SEMA3A: variants seen among roughly 807,000 people sequenced by gnomAD.
The protein encoded by SEMA3A is semaphorin-3A.
Under a neutral mutation model 97.9 loss-of-function variants are expected in SEMA3A, and 29 were observed. The observed-to-expected ratio is 0.30, with a 90% confidence interval of 0.22 to 0.40. SEMA3A has a LOEUF of 0.40. Ranked by LOEUF, SEMA3A falls within the 10% of genes least tolerant of loss-of-function variation. The probability of loss-of-function intolerance (pLI) is 1.00; values close to 1 mark genes in which losing one functional copy is unlikely to be tolerated. For synonymous variants in SEMA3A, 321 were observed against 323.7 expected (o/e 0.99, Z 0.09); for missense variants, 763 against 951.3 (o/e 0.80, Z 2.60).
chr7:84,333,151 A>G (rs1423919679), intron 2 of SEMA3A, among the ~76,000 whole-genome samples: 1 of 152,124 alleles, frequency 6.6e-6, no homozygotes, highest in African/African-American at 2.4e-5. Context: ...TTTTTGTGTC[A>G]AATTAGAAAT....
intron 1 of SEMA3A, among the ~76,000 whole-genome samples, chr7:84,193,000 T>C (rs1798097153): frequency 6.6e-6 from 1 of 151,922 alleles, no homozygotes; most frequent in South Asian, 2.1e-4. Flanking sequence ...TAATATCATA[T>C]ACTATGGAAA....
intron 1 of SEMA3A, among the ~76,000 whole-genome samples, chr7:84,450,384 C>CT (rs1805525860): frequency 6.6e-6 from 1 of 152,142 alleles, no homozygotes; most frequent in Non-Finnish European, 1.5e-5. Context: ...TGAAGAGGAA[C>CT]TTTCTGGAAA....
rs575266829 is a variant in SEMA3A, at chr7:83,993,305, G to A, written c.1453-7828C>T. 1.7e-4 allele frequency among the ~76,000 whole-genome samples: 24 copies of A among 141,624 alleles called. No homozygotes were observed. The East Asian group carries it at 5.0e-3, about 29-fold the overall frequency. The allele number at this position is 141,624 out of a possible 152,430, so 92.9% of individuals were successfully genotyped here. On this transcript the variant is annotated intron_variant, in intron 12 of 16. Transcript: ENST00000265362. ...CTGTGTCTTTTAATTGGAGCATTTA[G>A]TCCATTTACATTTAAAGTTAATATT...
chr7:84,161,057 C>G (rs985891723), intron 1 of SEMA3A, among the ~76,000 whole-genome samples: 5 of 151,730 alleles, frequency 3.3e-5, no homozygotes, highest in Non-Finnish European at 7.4e-5. Context: ...GAGGATAATA[C>G]TTTTTATTTA....
Position 83,957,406 on chromosome 7 carries a change from A to T in SEMA3A, c.*3965T>A, listed in dbSNP as rs1404038196. 1 of 152,136 alleles carries T rather than the reference A, an allele frequency of 6.6e-6. No individual in the cohort carries two copies. The highest frequency in any genetic ancestry group is 2.4e-5 in the African/African-American group (1 of 41,460). The allele number at this position is 152,136 out of a possible 1,614,324, so 9.4% of individuals were successfully genotyped here. ...GTGGAATTTACTTGAACGTGTAGGA[A>T]GCTGGTTCTAAAAGGCAAAGTGTCT... On this transcript the variant is annotated 3_prime_UTR_variant, in exon 17 of 17. Coordinates refer to ENST00000265362, the MANE Select transcript of SEMA3A (RefSeq NM_006080.3).
At chr7:84,261,237 C>G (rs1230523005) in intron 3 of SEMA3A, among the ~76,000 whole-genome samples, 1 of 152,134 alleles carries the variant, frequency 6.6e-6, no homozygotes, top group African/African-American at 2.4e-5. Flanking sequence ...GGAGACCTGT[C>G]CTGTCACTCA....
At chr7:84,245,597 A>C (rs1420787137) in intron 3 of SEMA3A, among the ~76,000 whole-genome samples, 1 of 151,370 alleles carries the variant, frequency 6.6e-6, no homozygotes, top group Non-Finnish European at 1.5e-5. Flanking sequence ...TTTTTCTTCT[A>C]ATAGTCAGGC....
intron 1 of SEMA3A, among the ~76,000 whole-genome samples, chr7:84,402,506 A>C (rs77656343): frequency 0.096 from 14,637 of 152,140 alleles, 1,255 homozygotes; most frequent in African/African-American, 0.21. Flanking sequence ...ATGTATCCCA[A>C]AGAAAGGAAA....
intron 2 of SEMA3A, among the ~76,000 whole-genome samples, chr7:84,316,434 G>A (rs1363023339): frequency 6.6e-6 from 1 of 151,744 alleles, no homozygotes; most frequent in Non-Finnish European, 1.5e-5. Flanking sequence ...ACAATGCACA[G>A]AACAAATGTA....
Position 84,273,998 on chromosome 7 carries a change from T to C in SEMA3A, c.-83+33209A>G, listed in dbSNP as rs187312884. On this transcript the variant is annotated intron_variant, in intron 3 of 3. Transcript: ENST00000424555. Reference sequence around the variant, plus strand: ...AATAAAAAATAAAATTATATTTATATGGAATGGAAAAGTACATCTATATAA... The same window carrying C: ...AATAAAAAATAAAATTATATTTATACGGAATGGAAAAGTACATCTATATAA... Among the ~76,000 whole-genome samples the C allele has an allele frequency of 1.0e-3, 157 of 152,168 alleles. 3 individuals are homozygous for C. In the East Asian group the frequency reaches 0.029, roughly 28 times the overall value.
At chr7:84,288,831 A>G (rs1800663829) in intron 3 of SEMA3A, among the ~76,000 whole-genome samples, 1 of 152,154 alleles carries the variant, frequency 6.6e-6, no homozygotes, top group Non-Finnish European at 1.5e-5. Context: ...TCCACAAAAA[A>G]ACTGTATAAT....
intron 5 of SEMA3A, among the ~76,000 whole-genome samples, chr7:84,049,543 T>C (rs1395300697): frequency 6.6e-6 from 1 of 152,062 alleles, no homozygotes; most frequent in Non-Finnish European, 1.5e-5. Flanking sequence ...TTCTGTGGCT[T>C]TGTGAAATAA....
chr7:84,412,194 G>T (rs772701091), intron 1 of SEMA3A, among the ~76,000 whole-genome samples: 2 of 152,106 alleles, frequency 1.3e-5, no homozygotes, highest in Non-Finnish European at 2.9e-5. Flanking sequence ...CACATACAAG[G>T]ATCATGCATG....
At chr7:84,060,933 T>C (rs1394069060) in intron 4 of SEMA3A, among the ~76,000 whole-genome samples, 2 of 152,250 alleles carry the variant, frequency 1.3e-5, no homozygotes, top group Non-Finnish European at 2.9e-5. Flanking sequence ...ACTCATTTCC[T>C]TCCTTTGTAG....
At chr7:84,364,361 AT>A (rs1488351677) in intron 2 of SEMA3A, among the ~76,000 whole-genome samples, 1 of 151,632 alleles carries the variant, frequency 6.6e-6, no homozygotes, top group Non-Finnish European at 1.5e-5. Context: ...ATATAAAACG[AT>A]TTTTTCAAAT....
intron 3 of SEMA3A, among the ~76,000 whole-genome samples, chr7:84,239,810 C>G (rs1799317992): frequency 6.6e-6 from 1 of 152,094 alleles, no homozygotes; most frequent in African/African-American, 2.4e-5. Context: ...GATGCATACA[C>G]ATTTATTACT....
At chr7:84,036,905 C>T (rs1304824163) in intron 6 of SEMA3A, among the ~76,000 whole-genome samples, 1 of 151,870 alleles carries the variant, frequency 6.6e-6, no homozygotes, top group Non-Finnish European at 1.5e-5. Flanking sequence ...TCACCTGTAA[C>T]TTGCATTATA....
At chr7:84,136,371 G>C (rs961602050) in intron 1 of SEMA3A, among the ~76,000 whole-genome samples, 1 of 152,032 alleles carries the variant, frequency 6.6e-6, no homozygotes, top group African/African-American at 2.4e-5. Context: ...TTTCAACAGA[G>C]GATAAAATTC....
intron 1 of SEMA3A, among the ~76,000 whole-genome samples, chr7:84,431,405 C>A (rs961216212): frequency 6.6e-6 from 1 of 151,862 alleles, no homozygotes; most frequent in Non-Finnish European, 1.5e-5. Context: ...AGTCTATTAG[C>A]CTTTTAAAGC....
Sources: gnomAD v4.1 joint callset for allele counts (sites outside exome capture counted in the v4.1 genomes callset) on GRCh38, gnomAD v4.1.1 for gene constraint, MANE v1.5 for transcripts, NCBI Gene and HGNC (gene_info 2026-07-23, HGNC 2026-07-21) for gene names.